SMURF1: variants seen among roughly 807,000 people sequenced by gnomAD.
The protein encoded by SMURF1 is E3 ubiquitin-protein ligase SMURF1.
A neutral mutation model predicts 98.0 loss-of-function variants in SMURF1; 44 were observed. That is an observed-to-expected ratio of 0.45 (90% CI 0.35 to 0.58). The LOEUF (loss-of-function observed/expected upper bound fraction) is 0.58. Among genes scored for constraint, SMURF1 ranks in the 20% least tolerant of loss-of-function variants. SMURF1 has a pLI of 0.00. For missense variants in SMURF1, 687 were observed against 938.4 expected, an observed-to-expected ratio of 0.73 and a Z score of 3.50; for synonymous variants, 396 against 374.9, an observed-to-expected ratio of 1.06 and a Z score of -0.65.
intron 1 of SMURF1, among the ~76,000 whole-genome samples, chr7:99,088,031 T>A (rs1303503201): frequency 2.0e-4 from 31 of 151,368 alleles, no homozygotes; most frequent in African/African-American, 7.5e-4. Context: ...CCGAGGCAGG[T>A]GGATCACCTG....
At chr7:99,065,074 T>C (rs912268659) in intron 1 of SMURF1, among the ~76,000 whole-genome samples, 2 of 152,164 alleles carry the variant, frequency 1.3e-5, no homozygotes, top group Non-Finnish European at 2.9e-5. Flanking sequence ...ATTAAGTTTT[T>C]TGATGCCTTT....
chr7:99,096,844 C>T (rs1050580224), intron 1 of SMURF1, among the ~76,000 whole-genome samples: 3 of 152,152 alleles, frequency 2.0e-5, no homozygotes, highest in Non-Finnish European at 4.4e-5. Context: ...TCAACCACAA[C>T]AGTGTACATA....
intron 1 of SMURF1, among the ~76,000 whole-genome samples, chr7:99,085,363 A>AG (rs1248367870): frequency 6.6e-6 from 1 of 150,512 alleles, no homozygotes; most frequent in African/African-American, 2.5e-5. Context: ...CAAAAAAAAA[A>AG]AAAAAAAAGA....
intron 17 of SMURF1, among the ~76,000 whole-genome samples, chr7:99,031,790 C>G (rs1281406227): frequency 2.0e-5 from 3 of 152,188 alleles, no homozygotes; most frequent in Non-Finnish European, 4.4e-5. Context: ...CAGCTAGCAT[C>G]TGACCCCGCA....
At chr7:99,132,173 G>A (rs1797884678) in intron 1 of SMURF1, among the ~76,000 whole-genome samples, 1 of 152,142 alleles carries the variant, frequency 6.6e-6, no homozygotes, top group Non-Finnish European at 1.5e-5. Flanking sequence ...CCCCAAGCCT[G>A]GCTGACAACA....
Position 99,045,770 on chromosome 7 carries a change from G to C in SMURF1, c.1184C>G (p.Pro395Arg), listed in dbSNP as rs760459049. The change falls in exon 11 of 18, where the codon CCG (proline) becomes CGG (arginine). Residue 395 changes from proline (P) to arginine (R), a missense_variant. Transcript: ENST00000361368. ...CATCAGCCGTTTTTTCAAGTCTTTC[G>C]GTCGCATCTTCATTATCTGGCGGTA... is the stretch of plus-strand genomic sequence containing the variant. ...ESYRQIMKMR[P>R]KDLKKRLMVK... 6.2e-7 allele frequency: 1 copy of C among 1,614,074 alleles called. No individual in the cohort carries two copies. The highest frequency in any genetic ancestry group is 8.5e-7 in the Non-Finnish European group (1 of 1,179,998).
chr7:99,054,726 C>T (rs1425880187), intron 6 of SMURF1, 64 bp downstream of exon 6: 1 of 1,444,812 alleles, frequency 6.9e-7, no homozygotes, highest in Non-Finnish European at 9.7e-7. Context: ...AGGGCGCTTT[C>T]CTATAGGCCG....
Position 99,035,640 on chromosome 7 carries a change from T to C in SMURF1, c.1886A>G (p.Asp629Gly). 1 of 1,614,234 alleles carries C rather than the reference T, an allele frequency of 6.2e-7. No individual in the cohort carries two copies. The highest frequency in any genetic ancestry group is 1.1e-5 in the South Asian group (1 of 91,084). ...CCAGAACCACCGCACGATGTTGCTG[T>C]CGGCCACACAGTGCTTCAGCCGCGT... is the stretch of plus-strand genomic sequence containing the variant. ...SNTRLKHCVA[D>G]SNIVRWFWQA... Residue 629 changes from aspartate to glycine, a missense_variant, in exon 16 of 18, where the codon GAC (aspartate) becomes GGC (glycine). Coordinates refer to ENST00000361368, the MANE Select transcript of SMURF1 (RefSeq NM_181349.3).
chr7:99,121,302 C>A (rs951458764), intron 1 of SMURF1: 6 of 150,738 alleles, frequency 4.0e-5, no homozygotes, highest in South Asian at 2.1e-4. Context: ...ATTTTCTATG[C>A]ATTTTTCTAA....
At chr7:99,094,843 T>C (rs1481611651) in intron 1 of SMURF1, among the ~76,000 whole-genome samples, 1 of 152,180 alleles carries the variant, frequency 6.6e-6, no homozygotes, top group African/African-American at 2.4e-5. Flanking sequence ...AATTATTTTA[T>C]GCCACGCTGT....
At chr7:99,134,825 G>GT (rs1221291128) in intron 1 of SMURF1, among the ~76,000 whole-genome samples, 1 of 152,110 alleles carries the variant, frequency 6.6e-6, no homozygotes, top group Non-Finnish European at 1.5e-5. Flanking sequence ...CAAGACCTCA[G>GT]TTTTTTAAAG....
Position 99,030,446 on chromosome 7 carries a change from A to G in SMURF1, c.*138T>C. 1 of 719,942 alleles carries G rather than the reference A, an allele frequency of 1.4e-6. No individual in the cohort carries two copies. Among genetic ancestry groups the G allele is most frequent in the Non-Finnish European group, 2.3e-6 (1 of 425,624 alleles). 44.6% of individuals were successfully genotyped at this position (719,942 alleles called of 1,614,324 possible). A position where few individuals can be genotyped will look rare whatever the true frequency, so the allele number is the denominator to read the frequency against. ...AAGTCCCCCATCCCCCTCCCCCAAC[A>G]GAAAGGAGAGAGACAACCCTTTCCC... is the stretch of plus-strand genomic sequence containing the variant. On this transcript the variant is annotated 3_prime_UTR_variant, in exon 18 of 18. Coordinates refer to ENST00000361368, the MANE Select transcript of SMURF1 (RefSeq NM_181349.3).
At chr7:99,133,662 A>T (rs1236403925) in intron 1 of SMURF1, among the ~76,000 whole-genome samples, 2 of 152,222 alleles carry the variant, frequency 1.3e-5, no homozygotes, top group Non-Finnish European at 2.9e-5. Flanking sequence ...TCCTGAGTAT[A>T]CACCCAACAG....
chr7:99,143,718 G>T lies in SMURF1; in HGVS notation c.55+8C>A, dbSNP rs1222997519. ...CCGGGGCGCGGGTGGGCCTCCCGCCGGCCGTACCTGTCAGACGGATCTTGA... is the reference window on the plus strand; with the variant it reads ...CCGGGGCGCGGGTGGGCCTCCCGCCTGCCGTACCTGTCAGACGGATCTTGA... On this transcript the variant is annotated splice_region_variant and intron_variant, in intron 1 of 17. Coordinates refer to ENST00000361368, the MANE Select transcript of SMURF1 (RefSeq NM_181349.3). The T allele has an allele frequency of 6.4e-7, 1 of 1,554,460 alleles. No homozygotes were observed. The highest frequency in any genetic ancestry group is 1.2e-5 in the South Asian group (1 of 85,320).
intron 5 of SMURF1, 47 bp downstream of exon 5, chr7:99,057,158 G>GT (rs777615449): frequency 2.5e-6 from 4 of 1,602,192 alleles, no homozygotes; most frequent in Non-Finnish European, 3.4e-6. Flanking sequence ...AGGGTTGAAT[G>GT]TAAGTTCTGG....
At position 99,029,882 on chromosome 7, in the gene SMURF1, T is replaced by TTTCTC. The variant is rs1231430463; in HGVS notation, c.*697_*701dup. On this transcript the variant is annotated 3_prime_UTR_variant, in exon 18 of 18. Coordinates refer to ENST00000361368, the MANE Select transcript of SMURF1 (RefSeq NM_181349.3). ...CAAAAGGGACCCTTAAAAGATCGTT[T>TTTCTC]TTCTCTATGTAAAACAAAATTTTCA... 6.6e-6 allele frequency: 1 copy of TTTCTC among 152,198 alleles called. No individual in the cohort carries two copies. Among genetic ancestry groups the TTTCTC allele is most frequent in the African/African-American group, 2.4e-5 (1 of 41,442 alleles). The allele number at this position is 152,198 out of a possible 1,614,324, so 9.4% of individuals were successfully genotyped here. A position where few individuals can be genotyped will look rare whatever the true frequency, so the allele number is the denominator to read the frequency against.
At chr7:99,137,283 A>G (rs1798013386) in intron 1 of SMURF1, among the ~76,000 whole-genome samples, 1 of 152,230 alleles carries the variant, frequency 6.6e-6, no homozygotes. Flanking sequence ...ATCCATCTCT[A>G]GCAGGTCCTT....
intron 9 of SMURF1, chr7:99,048,175 G>T (rs902020396): frequency 1.9e-4 from 68 of 366,532 alleles, no homozygotes; most frequent in Non-Finnish European, 3.1e-4. Context: ...ATCACCTGAG[G>T]TCAGGAGTTC....
At chr7:99,048,136 C>T (rs1795642644) in intron 9 of SMURF1, 2 of 433,202 alleles carry the variant, frequency 4.6e-6, no homozygotes, top group Non-Finnish European at 8.6e-6. Flanking sequence ...GCCTGTAATC[C>T]CAGCACTTTG....
Sources: allele counts gnomAD v4.1 joint callset (sites outside exome capture counted in the v4.1 genomes callset), GRCh38; gene constraint gnomAD v4.1.1; transcripts MANE v1.5; gene names NCBI Gene and HGNC (gene_info 2026-07-23, HGNC 2026-07-21).